The following RMND1 variants were observed in gnomAD, a reference collection of about 807,000 sequenced individuals.
RMND1 encodes the protein required for meiotic nuclear division protein 1 homolog.
RMND1 carries 41 observed loss-of-function variants against 54.0 expected under a neutral mutation model. That is an observed-to-expected ratio of 0.76 (90% CI 0.59 to 0.98). The LOEUF is 0.98. RMND1 is among the 50% of genes least tolerant of loss of function. RMND1 has a pLI of 0.00. For synonymous variants in RMND1, 183 were observed against 181.7 expected (o/e 1.01, Z -0.06); for missense variants, 457 against 532.0 (o/e 0.86, Z 1.39).
At chr6:151,436,175 C>T in intron 3 of RMND1, 1 of 293,476 alleles carries the variant, frequency 3.4e-6, no homozygotes. Flanking sequence ...TCTTAATGTG[C>T]TAGAAATGAA....
chr6:151,430,851 G>A (rs1474174530), intron 4 of RMND1, among the ~76,000 whole-genome samples: 1 of 151,474 alleles, frequency 6.6e-6, no homozygotes, highest in African/African-American at 2.4e-5. Flanking sequence ...ACTGGAGGAA[G>A]GAAAGGAGGA....
At chr6:151,435,986 T>G (rs1780592256) in intron 3 of RMND1, among the ~76,000 whole-genome samples, 1 of 151,532 alleles carries the variant, frequency 6.6e-6, no homozygotes, top group South Asian at 2.1e-4. Context: ...ATGCCTGTAA[T>G]CCTAGCTACT....
chr6:151,436,298 T>C (rs1780610660), intron 3 of RMND1, 148 bp downstream of exon 3: 1 of 797,762 alleles, frequency 1.3e-6, no homozygotes, highest in Non-Finnish European at 1.9e-6. Context: ...AACTTTGTCA[T>C]CTTTATAAAG....
intron 2 of RMND1, among the ~76,000 whole-genome samples, chr6:151,438,331 AGGTTG>A (rs1163697868): frequency 1.3e-5 from 2 of 152,204 alleles, no homozygotes; most frequent in Non-Finnish European, 2.9e-5. Context: ...ACAGTACATT[AGGTTG>A]GATGTCAGAA....
chr6:151,451,672 A>G (rs190941480), intron 1 of RMND1, among the ~76,000 whole-genome samples: 4 of 152,330 alleles, frequency 2.6e-5, no homozygotes, highest in Admixed American at 2.6e-4. Context: ...GCACATTTCA[A>G]CTTTTAGAGA....
chr6:151,444,650 T>C (rs528041915), intron 2 of RMND1: 1 of 151,780 alleles, frequency 6.6e-6, no homozygotes, highest in African/African-American at 2.4e-5. Flanking sequence ...AAGATCCTCT[T>C]ATAAACATTT....
chr6:151,428,854 C>T (rs1361818459), intron 5 of RMND1, among the ~76,000 whole-genome samples: 11 of 152,142 alleles, frequency 7.2e-5, no homozygotes. Context: ...ATATTGCTAG[C>T]CTGCTCTCCA....
intron 1 of RMND1, among the ~76,000 whole-genome samples, chr6:151,447,443 A>C (rs1780989357): frequency 6.6e-6 from 1 of 152,216 alleles, no homozygotes; most frequent in African/African-American, 2.4e-5. Context: ...TTCACTGATT[A>C]GGAAACTGAG....
chr6:151,448,892 C>T (rs962971638), intron 1 of RMND1, among the ~76,000 whole-genome samples: 2 of 151,964 alleles, frequency 1.3e-5, no homozygotes, highest in African/African-American at 2.4e-5. Context: ...GCCTGGCCAA[C>T]ACGGCGAAAC....
In RMND1 at chr6:151,445,338, C is replaced by T. The variant is rs1562800933; in HGVS notation, c.474G>A (p.Arg158=). 6.2e-7 allele frequency: 1 copy of T among 1,612,756 alleles called. No individual in the cohort carries two copies. Among genetic ancestry groups the T allele is most frequent in the Admixed American group, 1.7e-5 (1 of 59,792 alleles). ...TCACAGACAGAACTGGAAGGTTGGTCCTGGATGGCTGTCTGGTCCTGGATG... is the reference window on the plus strand; with the variant it reads ...TCACAGACAGAACTGGAAGGTTGGTTCTGGATGGCTGTCTGGTCCTGGATG... ...LKASRTRQPS[R]TNLPVLSVNE... The change falls in exon 2 of 12, where the codon AGG becomes AGA. Residue 158 remains arginine (R), a synonymous_variant. Transcript: ENST00000444024.
chr6:151,419,040 G>T (rs535504774), intron 9 of RMND1, among the ~76,000 whole-genome samples: 73 of 150,660 alleles, frequency 4.8e-4, no homozygotes, highest in African/African-American at 1.8e-3. Flanking sequence ...AAAGTGTTGG[G>T]ATTACAGATG....
At position 151,430,129 on chromosome 6, in the gene RMND1, TAC is replaced by T. The variant is rs780145360; in HGVS notation, c.729+7_729+8del. 1 of 1,579,586 alleles carries T rather than the reference TAC, an allele frequency of 6.3e-7. No homozygotes were observed. Among genetic ancestry groups the T allele is most frequent in the South Asian group, 1.1e-5 (1 of 88,672 alleles). On this transcript the variant is annotated splice_region_variant and intron_variant, in intron 5 of 11. Coordinates refer to ENST00000444024, the MANE Select transcript of RMND1 (RefSeq NM_017909.4). ...ATTTTTATATTTTCACATTTTTATT[TAC>T]ACTTACAGTTTTGTCTTTCACATTC...
At chr6:151,409,719 C>G (rs77587266) in intron 10 of RMND1, among the ~76,000 whole-genome samples, 1 of 152,228 alleles carries the variant, frequency 6.6e-6, no homozygotes, top group East Asian at 1.9e-4. Context: ...CTGGAAAAGT[C>G]TGGAAGGCAG....
At chr6:151,434,260 A>T (rs548456468) in intron 3 of RMND1, among the ~76,000 whole-genome samples, 1 of 152,266 alleles carries the variant, frequency 6.6e-6, no homozygotes, top group African/African-American at 2.4e-5. Context: ...ATTACAACCA[A>T]TGTTAATATA....
chr6:151,424,417 C>T lies in RMND1; in HGVS notation c.831-786G>A, dbSNP rs576553873. On this transcript the variant is annotated intron_variant, in intron 6 of 11. Coordinates refer to ENST00000444024, the MANE Select transcript of RMND1 (RefSeq NM_017909.4). The stretch of plus-strand genomic sequence containing the variant: ...GGCGGAGCTTGCAGTAAGCCGAAAT[C>T]ACGCCACTGCACTCCAGCCTGGGAG... Among the ~76,000 whole-genome samples, 385 of 150,648 alleles carry T rather than the reference C, an allele frequency of 2.6e-3. 2 individuals are homozygous for T. Among genetic ancestry groups the T allele is most frequent in the African/African-American group, 8.8e-3 (362 of 40,938 alleles).
intron 2 of RMND1, among the ~76,000 whole-genome samples, chr6:151,444,266 T>G (rs1307712539): frequency 6.6e-6 from 1 of 152,204 alleles, no homozygotes; most frequent in African/African-American, 2.4e-5. Flanking sequence ...TCTCGGACAC[T>G]TAAATACTGA....
At chr6:151,441,281 TAC>T (rs1182374467) in intron 2 of RMND1, among the ~76,000 whole-genome samples, 3 of 152,230 alleles carry the variant, frequency 2.0e-5, no homozygotes, top group African/African-American at 7.2e-5. Flanking sequence ...AGTGATATAA[TAC>T]ATTTACATTT....
intron 1 of RMND1, among the ~76,000 whole-genome samples, chr6:151,449,168 G>A (rs1460589628): frequency 2.0e-5 from 3 of 150,064 alleles, no homozygotes; most frequent in Non-Finnish European, 1.5e-5. Flanking sequence ...GATGTTCGAG[G>A]CCAGCCTGGC....
chr6:151,445,700 T>A lies in RMND1; in HGVS notation c.112A>T (p.Asn38Tyr). 6.2e-7 allele frequency: 1 copy of A among 1,614,202 alleles called. No homozygotes were observed. Among genetic ancestry groups the A allele is most frequent in the South Asian group, 1.1e-5 (1 of 91,076 alleles). The change falls in exon 2 of 12, where the codon AAT becomes TAT. Residue 38 changes from asparagine (N) to tyrosine (Y), a missense_variant. Asn to Tyr is a moderately radical substitution (Grantham distance 143). Transcript: ENST00000444024. ...ATTGTCAGTGTGCTGCATGTTGTAT[T>A]TTCAAATTCCTTAAGTGGTTTTAAC... ...LMLKPLKEFE[N>Y]TTCSTLTIRQ...
Sources: gnomAD v4.1 joint callset for allele counts (sites outside exome capture counted in the v4.1 genomes callset) on GRCh38, gnomAD v4.1.1 for gene constraint, MANE v1.5 for transcripts, NCBI Gene and HGNC (gene_info 2026-07-23, HGNC 2026-07-21) for gene names.